The following VRK1 variants were observed in gnomAD, a reference collection of about 807,000 sequenced individuals.
VRK1 encodes the protein serine/threonine-protein kinase VRK1.
A neutral mutation model predicts 57.1 loss-of-function variants in VRK1; 33 were observed. That is an observed-to-expected ratio of 0.58 (90% confidence interval 0.44 to 0.77). The LOEUF (loss-of-function observed/expected upper bound fraction) is 0.77, where lower values mean the gene tolerates loss of function less well. VRK1 is among the 30% of genes least tolerant of loss of function. VRK1 has a pLI of 0.00. For synonymous variants in VRK1, 137 were observed against 147.8 expected (o/e 0.93, Z 0.53); for missense variants, 413 against 477.3 (o/e 0.87, Z 1.25).
intron 1 of VRK1, among the ~76,000 whole-genome samples, chr14:96,807,934 T>G (rs1316469929): frequency 6.6e-6 from 1 of 152,000 alleles, no homozygotes; most frequent in Admixed American, 6.6e-5. Context: ...TCTGTCTCTC[T>G]CTTTCTCTGT....
chr14:96,858,835 T>G (rs1188310346), intron 10 of VRK1: 1 of 152,248 alleles, frequency 6.6e-6, no homozygotes, highest in Non-Finnish European at 1.5e-5. Context: ...TGCTTTTCTT[T>G]AACTGGACTT....
rs752468306 is a variant in VRK1, at chr14:96,837,747, T to C, written c.161-15T>C. The C allele has an allele frequency of 1.3e-6, 2 of 1,533,146 alleles. No homozygotes were observed. Among genetic ancestry groups the C allele is most frequent in the Non-Finnish European group, 1.8e-6 (2 of 1,133,592 alleles). The allele number at this position is 1,533,146 out of a possible 1,614,324, so 95.0% of individuals were successfully genotyped here. ...TTACTTGTTCTGATATCAAATATTT[T>C]ACTTTTTTAAACAGCTGATATGAAT... On this transcript the variant is annotated splice_polypyrimidine_tract_variant and intron_variant, in intron 2 of 12. Coordinates refer to ENST00000216639, the MANE Select transcript of VRK1 (RefSeq NM_003384.3).
intron 1 of VRK1, among the ~76,000 whole-genome samples, chr14:96,801,410 T>G (rs1193441977): frequency 6.6e-6 from 1 of 152,210 alleles, no homozygotes; most frequent in African/African-American, 2.4e-5. Context: ...CCTTAAGTAT[T>G]TATAGAATGT....
At chr14:96,804,985 A>C (rs142443611) in intron 1 of VRK1, among the ~76,000 whole-genome samples, 3 of 152,174 alleles carry the variant, frequency 2.0e-5, no homozygotes. Context: ...CCGTTGGCTC[A>C]TTGTTGATGT....
At chr14:96,850,136 AT>A (rs1229809660) in intron 5 of VRK1, among the ~76,000 whole-genome samples, 13 of 152,332 alleles carry the variant, frequency 8.5e-5, no homozygotes, top group African/African-American at 3.1e-4. Flanking sequence ...CATTAGTCAT[AT>A]ATCAGGCATT....
chr14:96,841,537 G>A (rs1283839109), intron 3 of VRK1, among the ~76,000 whole-genome samples: 2 of 152,130 alleles, frequency 1.3e-5, no homozygotes, highest in Non-Finnish European at 2.9e-5. Context: ...GGATGTTACA[G>A]TTATCCTAGA....
chr14:96,801,057 C>A (rs905911769), intron 1 of VRK1, among the ~76,000 whole-genome samples: 3 of 152,112 alleles, frequency 2.0e-5, no homozygotes, highest in African/African-American at 7.2e-5. Context: ...TTCCACTGTT[C>A]CAGGGACCTT....
chr14:96,806,065 C>T (rs899048929), intron 1 of VRK1, among the ~76,000 whole-genome samples: 1 of 151,276 alleles, frequency 6.6e-6, no homozygotes, highest in Non-Finnish European at 1.5e-5. Flanking sequence ...CATTGCTTGG[C>T]ACCTATGCCC....
intron 12 of VRK1, among the ~76,000 whole-genome samples, chr14:96,878,061 C>T (rs1334779762): frequency 1.3e-5 from 2 of 152,106 alleles, no homozygotes; most frequent in Non-Finnish European, 2.9e-5. Flanking sequence ...TTCATATAAA[C>T]TCAAAATTGC....
chr14:96,829,020 G>C (rs1253429359), intron 1 of VRK1, among the ~76,000 whole-genome samples: 1 of 152,142 alleles, frequency 6.6e-6, no homozygotes, highest in Non-Finnish European at 1.5e-5. Context: ...CAGAGCAGCT[G>C]AGTATATTTC....
intron 1 of VRK1, among the ~76,000 whole-genome samples, chr14:96,817,642 C>T (rs1000045627): frequency 1.3e-5 from 2 of 152,072 alleles, no homozygotes; most frequent in African/African-American, 4.8e-5. Context: ...AGTAGCTGTT[C>T]TATCAGATCT....
chr14:96,876,039 A>G lies in VRK1; in HGVS notation c.1078A>G (p.Lys360Glu). 1 of 1,613,352 alleles carries G rather than the reference A, an allele frequency of 6.2e-7. No homozygotes were observed. The change falls in exon 12 of 13, where the codon AAA (lysine) becomes GAA (glutamate). Residue 360 changes from lysine (K) to glutamate (E), a missense_variant. By Grantham distance (56) the Lys-to-Glu change is moderately conservative (BLOSUM62 1). Transcript: ENST00000216639. Reference sequence around the variant, plus strand: ...TAATTTTATATGTAAGAAGCGAAAGAAAGAAATTGAAGAAAGCAAGGAACC... The same window carrying G: ...TAATTTTATATGTAAGAAGCGAAAGGAAGAAATTGAAGAAAGCAAGGAACC... ...KAKTITKKRK[K>E]EIEESKEPGV... is the part of the protein sequence containing the mutation.
In VRK1 at chr14:96,860,565, GC is replaced by G; in HGVS notation, c.900del (p.Lys301AsnfsTer6). 1 of 1,612,332 alleles carries G rather than the reference GC, an allele frequency of 6.2e-7. No individual in the cohort carries two copies. Among genetic ancestry groups the G allele is most frequent in the Non-Finnish European group, 8.5e-7 (1 of 1,178,974 alleles). On this transcript the variant is annotated frameshift_variant, in exon 11 of 13. Coordinates refer to ENST00000216639, the MANE Select transcript of VRK1 (RefSeq NM_003384.3). LOFTEE classifies it high-confidence loss of function. ...TTGTGTTATTCTTTTAGGTGAAATT[GC>G]CAAATACATGGAAACAGTGAAATTA... ...FPEKNKPGEI[A>X]KYMETVKLLD...
At chr14:96,877,711 T>G (rs977776068) in intron 12 of VRK1, 87 of 1,210,674 alleles carry the variant, frequency 7.2e-5, no homozygotes, top group Non-Finnish European at 8.8e-5. Flanking sequence ...ACTCATTAAG[T>G]CTAAGGCAGA....
chr14:96,860,590 T>A lies in VRK1; in HGVS notation c.923T>A (p.Leu308Ter). 1 of 1,613,074 alleles carries A rather than the reference T, an allele frequency of 6.2e-7. No individual in the cohort carries two copies. ...GCCAAATACATGGAAACAGTGAAATTACTAGACTACACTGAAAAACCTCTT... is the reference window on the plus strand; with the variant it reads ...GCCAAATACATGGAAACAGTGAAATAACTAGACTACACTGAAAAACCTCTT... ...EIAKYMETVK[L>*]LDYTEKPLYE... Residue 308 changes from leucine to a stop codon, truncating the protein, a stop_gained, in exon 11 of 13, where the codon TTA (leucine) becomes TAA (stop). Transcript: ENST00000216639. LOFTEE classifies it high-confidence loss of function.
intron 1 of VRK1, among the ~76,000 whole-genome samples, chr14:96,831,322 TG>T (rs1386465146): frequency 6.6e-6 from 1 of 152,166 alleles, no homozygotes; most frequent in African/African-American, 2.4e-5. Flanking sequence ...GCTATCCAGT[TG>T]TCCTGTCCAG....
intron 3 of VRK1, among the ~76,000 whole-genome samples, chr14:96,841,878 AC>A (rs1887477941): frequency 6.6e-6 from 1 of 151,988 alleles, no homozygotes. Context: ...CAGTAATATT[AC>A]TGACTTTCTC....
chr14:96,806,795 C>T (rs899853197), intron 1 of VRK1, among the ~76,000 whole-genome samples: 13 of 151,936 alleles, frequency 8.6e-5, no homozygotes, highest in African/African-American at 2.9e-4. Context: ...TTTCAATTCA[C>T]TCTCACTTCC....
chr14:96,859,349 C>T (rs1222352321), intron 10 of VRK1, among the ~76,000 whole-genome samples: 3 of 152,198 alleles, frequency 2.0e-5, no homozygotes, highest in Non-Finnish European at 4.4e-5. Flanking sequence ...TTCTGTTCCA[C>T]TCTTTATGCC....
Sources: allele counts gnomAD v4.1 joint callset (sites outside exome capture counted in the v4.1 genomes callset), GRCh38; gene constraint gnomAD v4.1.1; transcripts MANE v1.5; gene names NCBI Gene and HGNC (gene_info 2026-07-23, HGNC 2026-07-21).